The following MYO1E variants were observed in gnomAD, a reference collection of about 807,000 sequenced individuals.
MYO1E encodes myosin IE.
MYO1E carries 68 observed loss-of-function variants against 151.1 expected under a neutral mutation model. The observed-to-expected ratio is 0.45, with a 90% CI of 0.37 to 0.55. MYO1E has a LOEUF of 0.55. Ranked by LOEUF, MYO1E falls within the 20% of genes least tolerant of loss-of-function variation. MYO1E has a pLI of 0.00. For synonymous variants in MYO1E, 601 were observed against 501.7 expected, an observed-to-expected ratio of 1.20 and a Z score of -2.64; for missense variants, 1,363 against 1,389.3, an observed-to-expected ratio of 0.98 and a Z score of 0.30.
At chr15:59,319,233 C>T (rs145781484) in intron 1 of MYO1E, among the ~76,000 whole-genome samples, 91 of 152,198 alleles carry the variant, frequency 6.0e-4, no homozygotes, top group African/African-American at 2.2e-3. Context: ...ACTGCTTGAA[C>T]CCAGAAGCCG....
chr15:59,301,975 C>T (rs958893157), intron 1 of MYO1E, among the ~76,000 whole-genome samples: 1 of 151,890 alleles, frequency 6.6e-6, no homozygotes, highest in East Asian at 1.9e-4. Context: ...TTACCTTCCC[C>T]TGCCCTCAAA....
intron 5 of MYO1E, among the ~76,000 whole-genome samples, chr15:59,233,581 T>C (rs887772903): frequency 4.1e-5 from 6 of 145,108 alleles, no homozygotes; most frequent in African/African-American, 1.0e-4. Flanking sequence ...GGAGAATCGC[T>C]TGAACCCAGA....
chr15:59,321,785 G>C (rs2080627759), intron 1 of MYO1E, among the ~76,000 whole-genome samples: 1 of 152,100 alleles, frequency 6.6e-6, no homozygotes. Context: ...GCTGACCTGG[G>C]AGAATCTCTT....
At chr15:59,194,355 G>A (rs2079752882) in intron 17 of MYO1E, among the ~76,000 whole-genome samples, 1 of 152,144 alleles carries the variant, frequency 6.6e-6, no homozygotes, top group Non-Finnish European at 1.5e-5. Context: ...GACAGTAAAT[G>A]TTTGACCTAC....
At chr15:59,139,349 C>T (rs1291497116) in intron 26 of MYO1E, among the ~76,000 whole-genome samples, 1 of 136,458 alleles carries the variant, frequency 7.3e-6, no homozygotes, top group Non-Finnish European at 1.6e-5. Flanking sequence ...CATTATTACT[C>T]CTCACACTTA....
chr15:59,236,611 C>T lies in MYO1E; in HGVS notation c.394G>A (p.Val132Met). Residue 132 changes from valine (V) to methionine (M), a missense_variant, in exon 5 of 28, where the codon GTG becomes ATG. Coordinates refer to ENST00000288235, the MANE Select transcript of MYO1E (RefSeq NM_004998.4). ...TGGACTTTGGTCCCTCCTCCAGACACTCTGGAGATGTAGCTCATGATATAT... is the reference window on the plus strand; with the variant it reads ...TGGACTTTGGTCCCTCCTCCAGACATTCTGGAGATGTAGCTCATGATATAT... ...AKYIMSYISR[V>M]SGGGTKVQHV... 6.2e-7 allele frequency: 1 copy of T among 1,613,834 alleles called. No individual in the cohort carries two copies. Among genetic ancestry groups the T allele is most frequent in the Non-Finnish European group, 8.5e-7 (1 of 1,179,804 alleles).
rs1303564100 is a variant in MYO1E, at chr15:59,350,920, G to A, written c.3+21578C>T. Among the ~76,000 whole-genome samples, 6 of 152,268 alleles carry A rather than the reference G, an allele frequency of 3.9e-5. No homozygotes were observed. The highest frequency in any genetic ancestry group is 3.9e-4 in the East Asian group (2 of 5,180). On this transcript the variant is annotated intron_variant, in intron 1 of 27. Coordinates refer to ENST00000288235, the MANE Select transcript of MYO1E (RefSeq NM_004998.4). The surrounding 1 kb of genome is among the most constrained non-coding windows in gnomAD (Gnocchi z 5.0). The stretch of plus-strand genomic sequence containing the variant: ...TTTTGTTTTTTGTCTTTTTTGAGAC[G>A]GAGTCTCGCTCTGTCACCCAGGCTG...
At chr15:59,371,501 G>A (rs1458562886) in intron 1 of MYO1E, among the ~76,000 whole-genome samples, 1 of 151,114 alleles carries the variant, frequency 6.6e-6, no homozygotes, top group African/African-American at 2.4e-5. Context: ...GCCCCGCAAA[G>A]AAAAGTACAC....
chr15:59,370,216 C>A (rs2080937107), intron 1 of MYO1E, among the ~76,000 whole-genome samples: 1 of 152,206 alleles, frequency 6.6e-6, no homozygotes, highest in African/African-American at 2.4e-5. Flanking sequence ...AGGGATACAA[C>A]TTGGGCAGGC....
intron 1 of MYO1E, among the ~76,000 whole-genome samples, chr15:59,338,602 G>A (rs1463637170): frequency 3.9e-5 from 6 of 152,070 alleles, no homozygotes; most frequent in African/African-American, 7.2e-5. Context: ...TATTGGGGCT[G>A]GTCTCCAACC....
chr15:59,227,824 AG>A (rs2080001268), intron 6 of MYO1E, among the ~76,000 whole-genome samples: 1 of 152,184 alleles, frequency 6.6e-6, no homozygotes, highest in African/African-American at 2.4e-5. Context: ...TGACTAAATA[AG>A]GATATGCTCT....
intron 18 of MYO1E, among the ~76,000 whole-genome samples, chr15:59,185,695 G>A (rs1323270019): frequency 5.9e-5 from 9 of 152,188 alleles, no homozygotes; most frequent in Non-Finnish European, 8.8e-5. Flanking sequence ...GGGCAACCAA[G>A]GGAGACCTTA....
chr15:59,227,981 C>T (rs2080002143), intron 6 of MYO1E, among the ~76,000 whole-genome samples: 1 of 152,156 alleles, frequency 6.6e-6, no homozygotes, highest in African/African-American at 2.4e-5. Flanking sequence ...AGCAAAAACA[C>T]TCAATCTCTC....
At chr15:59,160,166 C>T (rs1407270207) in intron 24 of MYO1E, among the ~76,000 whole-genome samples, 1 of 151,988 alleles carries the variant, frequency 6.6e-6, no homozygotes, top group Non-Finnish European at 1.5e-5. Flanking sequence ...AAGGCATCTT[C>T]ATGTGTGTGA....
At chr15:59,323,358 T>C (rs1470113964) in intron 1 of MYO1E, among the ~76,000 whole-genome samples, 1 of 151,324 alleles carries the variant, frequency 6.6e-6, no homozygotes, top group Non-Finnish European at 1.5e-5. Flanking sequence ...AGATTTAAAA[T>C]TAAGGGTGAT....
intron 26 of MYO1E, among the ~76,000 whole-genome samples, chr15:59,151,093 G>A (rs1157556664): frequency 6.6e-6 from 1 of 151,890 alleles, no homozygotes; most frequent in Non-Finnish European, 1.5e-5. Flanking sequence ...CTACATAAGG[G>A]CGGCATCCAC....
intron 1 of MYO1E, among the ~76,000 whole-genome samples, chr15:59,324,419 T>C (rs886674909): frequency 6.6e-6 from 1 of 152,160 alleles, no homozygotes; most frequent in Non-Finnish European, 1.5e-5. Flanking sequence ...CACCCCAAAA[T>C]GACCTGCTTC....
chr15:59,177,775 T>A (rs796784802), intron 19 of MYO1E, among the ~76,000 whole-genome samples: 8 of 152,360 alleles, frequency 5.3e-5, no homozygotes, highest in African/African-American at 1.7e-4. Context: ...AAATGTGTAT[T>A]ATGAATGCCT....
chr15:59,298,227 T>C (rs1328260052), intron 1 of MYO1E, among the ~76,000 whole-genome samples: 4 of 152,310 alleles, frequency 2.6e-5, no homozygotes, highest in Middle Eastern at 3.4e-3. Flanking sequence ...CATTTACAAA[T>C]CTAGTTATTT....
Sources: allele counts gnomAD v4.1 joint callset (sites outside exome capture counted in the v4.1 genomes callset), GRCh38; gene constraint gnomAD v4.1.1; non-coding constraint Gnocchi (gnomAD v3.1); transcripts MANE v1.5; gene names NCBI Gene and HGNC (gene_info 2026-07-23, HGNC 2026-07-21).